GALNT17: variants seen among roughly 807,000 people sequenced by gnomAD.
GALNT17 encodes the protein UDP-GalNAc:polypeptide N-acetylgalactosaminyltransferase-like 3.
Under a neutral mutation model 63.7 loss-of-function variants are expected in GALNT17, and 29 were observed. The ratio of observed to expected loss-of-function variants is 0.46; its 90% CI spans 0.34 to 0.62. The LOEUF (loss-of-function observed/expected upper bound fraction) is 0.62. Ranked by LOEUF, GALNT17 falls within the 20% of genes least tolerant of loss-of-function variation. The probability of loss-of-function intolerance (pLI) is 0.01; values close to 1 mark genes in which losing one functional copy is unlikely to be tolerated. For synonymous variants in GALNT17, 305 were observed against 318.3 expected, an observed-to-expected ratio of 0.96 and a Z score of 0.45; for missense variants, 603 against 799.6, an observed-to-expected ratio of 0.75 and a Z score of 2.97.
chr7:71,431,204 C>CTTTCTTTT (rs1563087533), intron 5 of GALNT17, among the ~76,000 whole-genome samples: 8 of 136,364 alleles, frequency 5.9e-5, no homozygotes, highest in Non-Finnish European at 1.1e-4. Context: ...TTTTTCTTTT[C>CTTTCTTTT]TTTTCTTTTT....
chr7:71,690,019 C>CTTTTTTTTTTTTTTTTTTTT (rs36049127), intron 9 of GALNT17, among the ~76,000 whole-genome samples: 1 of 142,826 alleles, frequency 7.0e-6, no homozygotes, highest in Non-Finnish European at 1.5e-5. Context: ...TACTGAATAT[C>CTTTTTTTTTTTTTTTTTTTT]TTTTTTTTTT....
rs188603734 is a variant in GALNT17, at chr7:71,296,617, A to T, written c.239-38933A>T. ...GGCAACAGAGCGAGACTCCATCTAAAAAAAAAAACAACTATATATATATAT... is the reference window on the plus strand; with the variant it reads ...GGCAACAGAGCGAGACTCCATCTAATAAAAAAAACAACTATATATATATAT... On this transcript the variant is annotated intron_variant, in intron 1 of 10. Transcript: ENST00000333538. 9.1e-4 allele frequency among the ~76,000 whole-genome samples: 107 copies of T among 118,030 alleles called. 1 individual carries two copies. Among genetic ancestry groups the T allele is most frequent in the South Asian group, 4.9e-3 (14 of 2,848 alleles). 77.4% of individuals were successfully genotyped at this position (118,030 alleles called of 152,430 possible).
chr7:71,519,020 T>A (rs77214608), intron 5 of GALNT17, among the ~76,000 whole-genome samples: 2,765 of 152,260 alleles, frequency 0.018, 86 homozygotes, highest in African/African-American at 0.063. Flanking sequence ...GAGGATTATT[T>A]AGGCATATTT....
At chr7:71,202,600 C>G (rs1789195399) in intron 1 of GALNT17, among the ~76,000 whole-genome samples, 1 of 152,168 alleles carries the variant, frequency 6.6e-6, no homozygotes, top group Non-Finnish European at 1.5e-5. Flanking sequence ...TTAAATCCAT[C>G]TAATTAACAT....
intron 1 of GALNT17, among the ~76,000 whole-genome samples, chr7:71,315,046 G>C (rs1191649664): frequency 6.6e-6 from 1 of 152,148 alleles, no homozygotes; most frequent in Admixed American, 6.5e-5. Flanking sequence ...ATCCACCCCT[G>C]ACTTTGGCAA....
intron 1 of GALNT17, among the ~76,000 whole-genome samples, chr7:71,181,868 C>T (rs1481957089): frequency 7.3e-6 from 1 of 137,784 alleles, no homozygotes; most frequent in African/African-American, 3.0e-5. Flanking sequence ...CAGAATGAGA[C>T]CCTGACTCTT....
At chr7:71,384,522 C>T (rs977522307) in intron 2 of GALNT17, among the ~76,000 whole-genome samples, 1 of 152,168 alleles carries the variant, frequency 6.6e-6, no homozygotes, top group African/African-American at 2.4e-5. Context: ...TTCCAGAGCT[C>T]TGAGAGTTTG....
intron 1 of GALNT17, among the ~76,000 whole-genome samples, chr7:71,229,527 C>G (rs968032813): frequency 6.6e-6 from 1 of 152,170 alleles, no homozygotes; most frequent in African/African-American, 2.4e-5. Flanking sequence ...GCCGATGAGT[C>G]TGAAGAGTAA....
At chr7:71,198,574 C>T (rs947563643) in intron 1 of GALNT17, among the ~76,000 whole-genome samples, 2 of 152,206 alleles carry the variant, frequency 1.3e-5, no homozygotes, top group Admixed American at 6.5e-5. Flanking sequence ...CACCAGCTGA[C>T]ACTAGCTGAC....
At chr7:71,484,208 C>T (rs1787870190) in intron 5 of GALNT17, among the ~76,000 whole-genome samples, 1 of 152,144 alleles carries the variant, frequency 6.6e-6, no homozygotes, top group African/African-American at 2.4e-5. Context: ...ATATACCGGG[C>T]CAGATGCGGT....
chr7:71,583,538 G>A (rs565715641), intron 6 of GALNT17, among the ~76,000 whole-genome samples: 2 of 152,228 alleles, frequency 1.3e-5, no homozygotes, highest in East Asian at 1.9e-4. Context: ...GTTACACAAC[G>A]TACTCAGCCT....
At chr7:71,578,401 A>G (rs1270025135) in intron 6 of GALNT17, among the ~76,000 whole-genome samples, 6 of 152,266 alleles carry the variant, frequency 3.9e-5, no homozygotes, top group African/African-American at 7.2e-5. Context: ...TACAAAAATT[A>G]TAGCTCACTG....
At chr7:71,279,208 C>T (rs1003464241) in intron 1 of GALNT17, among the ~76,000 whole-genome samples, 1 of 152,022 alleles carries the variant, frequency 6.6e-6, no homozygotes, top group African/African-American at 2.4e-5. Flanking sequence ...TCTGTATATT[C>T]CCCTCTCCTT....
At chr7:71,286,430 C>G (rs1021077166) in intron 1 of GALNT17, among the ~76,000 whole-genome samples, 7 of 152,130 alleles carry the variant, frequency 4.6e-5, no homozygotes, top group African/African-American at 1.7e-4. Flanking sequence ...AGTGGTTTGC[C>G]GTTTGCAAGA....
At chr7:71,388,708 G>T (rs1174215188) in intron 3 of GALNT17, among the ~76,000 whole-genome samples, 1 of 151,916 alleles carries the variant, frequency 6.6e-6, no homozygotes, top group African/African-American at 2.4e-5. Flanking sequence ...TGTATTTTTA[G>T]TAGAGATGGG....
intron 1 of GALNT17, among the ~76,000 whole-genome samples, chr7:71,166,914 A>G (rs77159140): frequency 0.053 from 8,065 of 152,164 alleles, 290 homozygotes; most frequent in Non-Finnish European, 0.076. Flanking sequence ...TTAAAAGACA[A>G]AGTTTTGTTA....
intron 6 of GALNT17, among the ~76,000 whole-genome samples, chr7:71,637,890 A>G (rs780276438): frequency 7.2e-5 from 11 of 152,224 alleles, no homozygotes; most frequent in Non-Finnish European, 1.3e-4. Context: ...CCATAGAGTT[A>G]AGTGAAAGCA....
At chr7:71,613,040 G>C (rs1411137114) in intron 6 of GALNT17, among the ~76,000 whole-genome samples, 1 of 152,168 alleles carries the variant, frequency 6.6e-6, no homozygotes, top group East Asian at 1.9e-4. Flanking sequence ...AGACGTTTCT[G>C]ATGCGGGGAG....
rs569605316 is a variant in GALNT17 at position 71,576,814 on chromosome 7, C to G, written c.1080+5412C>G. 1.1e-4 allele frequency among the ~76,000 whole-genome samples: 17 copies of G among 152,214 alleles called. No individual in the cohort carries two copies. In the East Asian group the frequency reaches 3.3e-3, roughly 29 times the overall value. On this transcript the variant is annotated intron_variant, in intron 6 of 10. Transcript: ENST00000333538. ...AACTTCTGACCTCAAGTGATCTGCC[C>G]GCTTCGGTCTCCCAAAGTACTAGGA...
Sources: allele counts gnomAD v4.1 joint callset (sites outside exome capture counted in the v4.1 genomes callset), GRCh38; gene constraint gnomAD v4.1.1; transcripts MANE v1.5; gene names NCBI Gene and HGNC (gene_info 2026-07-23, HGNC 2026-07-21).